Variants in CTNNBL1 observed in about 807,000 individuals in gnomAD.
CTNNBL1 encodes catenin beta like 1.
In CTNNBL1, 31 loss-of-function variants were observed where a neutral mutation model predicts 72.7. The observed-to-expected ratio is 0.43, with a 90% CI of 0.32 to 0.58. The LOEUF is 0.58. CTNNBL1 is among the 20% of genes least tolerant of loss of function. The probability of loss-of-function intolerance (pLI) is 0.08; values close to 1 mark genes in which losing one functional copy is unlikely to be tolerated. For missense variants in CTNNBL1, 534 were observed against 725.1 expected (o/e 0.74, Z 3.03); for synonymous variants, 240 against 267.3 (o/e 0.90, Z 1.00).
chr20:37,705,016 C>T (rs538069706), intron 1 of CTNNBL1, among the ~76,000 whole-genome samples: 3 of 152,306 alleles, frequency 2.0e-5, no homozygotes, highest in South Asian at 2.1e-4. Context: ...GAGAAGTTTT[C>T]GTATATAAAA....
At chr20:37,728,026 T>C (rs1427461969) in intron 1 of CTNNBL1, among the ~76,000 whole-genome samples, 1 of 152,226 alleles carries the variant, frequency 6.6e-6, no homozygotes, top group Non-Finnish European at 1.5e-5. Flanking sequence ...GGACTTCAAC[T>C]TTTTGCGTCC....
chr20:37,767,658 A>G (rs1483359437), intron 6 of CTNNBL1, among the ~76,000 whole-genome samples: 4 of 152,154 alleles, frequency 2.6e-5, no homozygotes, highest in Non-Finnish European at 5.9e-5. Context: ...TCTTAGGTAG[A>G]TACCCACCCT....
intron 5 of CTNNBL1, among the ~76,000 whole-genome samples, chr20:37,758,269 C>T (rs890285276): frequency 3.3e-5 from 5 of 152,112 alleles, no homozygotes; most frequent in East Asian, 1.9e-4. Flanking sequence ...TGCCTGTAGA[C>T]GACAAGGCAG....
At chr20:37,698,827 C>T (rs1274101934) in intron 1 of CTNNBL1, among the ~76,000 whole-genome samples, 1 of 152,208 alleles carries the variant, frequency 6.6e-6, no homozygotes, top group Non-Finnish European at 1.5e-5. Context: ...AGGCGGATCT[C>T]TTGAGTCCAG....
At chr20:37,802,798 C>A in intron 10 of CTNNBL1, 69 bp from the exon 11 acceptor site, 1 of 1,244,544 alleles carries the variant, frequency 8.0e-7, no homozygotes, top group Admixed American at 2.1e-5. Context: ...GCAGCAAATA[C>A]CCTTTTTTTT....
chr20:37,755,732 G>C (rs2073358006), intron 4 of CTNNBL1, among the ~76,000 whole-genome samples: 1 of 152,048 alleles, frequency 6.6e-6, no homozygotes, highest in Non-Finnish European at 1.5e-5. Context: ...TTTCTTTTAA[G>C]TGAAACTGCC....
At chr20:37,859,731 A>C (rs757422276) in intron 13 of CTNNBL1, among the ~76,000 whole-genome samples, 168 bp from the exon 14 acceptor site, 2 of 152,208 alleles carry the variant, frequency 1.3e-5, no homozygotes, top group Non-Finnish European at 2.9e-5. Context: ...AATGAAGAAC[A>C]TGAAAGATAC....
chr20:37,789,769 T>G (rs1231169707), intron 10 of CTNNBL1, among the ~76,000 whole-genome samples: 1 of 152,232 alleles, frequency 6.6e-6, no homozygotes, highest in African/African-American at 2.4e-5. Context: ...ATCAGAATAC[T>G]TCAATGTTCT....
intron 10 of CTNNBL1, among the ~76,000 whole-genome samples, chr20:37,793,929 T>C (rs1216247867): frequency 6.6e-6 from 1 of 151,566 alleles, no homozygotes. Flanking sequence ...TACAGGCATG[T>C]GCCACCACGC....
At chr20:37,743,485 T>TA (rs2073235989) in intron 3 of CTNNBL1, among the ~76,000 whole-genome samples, 1 of 152,170 alleles carries the variant, frequency 6.6e-6, no homozygotes, top group South Asian at 2.1e-4. Context: ...CTAAAATAGT[T>TA]ATGAAATTTA....
rs372024930 is a variant in CTNNBL1, at chr20:37,724,762, CTTTA to C, written c.31-8113_31-8110del. Among the ~76,000 whole-genome samples, 152 of 152,182 alleles carry C rather than the reference CTTTA, an allele frequency of 1.0e-3. 1 individual carries two copies. Among genetic ancestry groups the C allele is most frequent in the Middle Eastern group, 3.4e-3 (1 of 294 alleles). ...AGTACATAATCTCTGTCTCCCCTCT[CTTTA>C]TTTGTCAATGTGGACATTAAAACAC... On this transcript the variant is annotated intron_variant, in intron 1 of 15. Coordinates refer to ENST00000361383, the MANE Select transcript of CTNNBL1 (RefSeq NM_030877.5).
chr20:37,838,617 G>C (rs1214033394), intron 11 of CTNNBL1, among the ~76,000 whole-genome samples: 1 of 152,230 alleles, frequency 6.6e-6, no homozygotes, highest in Non-Finnish European at 1.5e-5. Context: ...GCCAGGCACA[G>C]TGGCTCACAC....
chr20:37,844,970 C>A (rs1453745130), intron 13 of CTNNBL1, among the ~76,000 whole-genome samples: 1 of 152,072 alleles, frequency 6.6e-6, no homozygotes, highest in African/African-American at 2.4e-5. Flanking sequence ...CAAAACACCT[C>A]GCGTTAAAGG....
At chr20:37,838,719 C>T (rs144254951) in intron 11 of CTNNBL1, among the ~76,000 whole-genome samples, 74 of 152,278 alleles carry the variant, frequency 4.9e-4, no homozygotes, top group African/African-American at 1.5e-3. Context: ...TAAACCCCAT[C>T]TCTGCAGAAA....
At chr20:37,815,325 T>C (rs1247712347) in intron 11 of CTNNBL1, among the ~76,000 whole-genome samples, 2 of 151,268 alleles carry the variant, frequency 1.3e-5, no homozygotes, top group Non-Finnish European at 3.0e-5. Flanking sequence ...CTTTTTTTTT[T>C]TTTTTTTCTG....
intron 1 of CTNNBL1, among the ~76,000 whole-genome samples, chr20:37,699,109 G>A (rs1179295956): frequency 2.0e-5 from 3 of 152,132 alleles, no homozygotes; most frequent in Non-Finnish European, 4.4e-5. Context: ...AGACATGAAA[G>A]ATGCTTTACT....
chr20:37,779,889 T>G (rs916333278), intron 10 of CTNNBL1, among the ~76,000 whole-genome samples: 1 of 152,140 alleles, frequency 6.6e-6, no homozygotes, highest in Non-Finnish European at 1.5e-5. Flanking sequence ...CGCTAATTCC[T>G]GAAAGTGGAT....
At chr20:37,733,105 G>C in intron 2 of CTNNBL1, 38 bp downstream of exon 2, 1 of 1,589,916 alleles carries the variant, frequency 6.3e-7, no homozygotes, top group Non-Finnish European at 8.6e-7. Context: ...GAGATGGCTG[G>C]CCCTGTAAAA....
At chr20:37,801,942 A>G (rs774495497) in intron 10 of CTNNBL1, among the ~76,000 whole-genome samples, 1 of 152,254 alleles carries the variant, frequency 6.6e-6, no homozygotes, top group Non-Finnish European at 1.5e-5. Flanking sequence ...GTTTATATAG[A>G]AAATCCTAAG....
Sources: allele counts gnomAD v4.1 joint callset (sites outside exome capture counted in the v4.1 genomes callset), GRCh38; gene constraint gnomAD v4.1.1; transcripts MANE v1.5; gene names NCBI Gene and HGNC (gene_info 2026-07-23, HGNC 2026-07-21).